The following GALNT10 variants were observed in gnomAD, a reference collection of about 807,000 sequenced individuals.
GALNT10 encodes polypeptide N-acetylgalactosaminyltransferase 10.
A neutral mutation model predicts 75.0 loss-of-function variants in GALNT10; 41 were observed. The ratio of observed to expected loss-of-function variants is 0.55; its 90% CI spans 0.43 to 0.71. The LOEUF (loss-of-function observed/expected upper bound fraction) is 0.71. GALNT10 is among the 30% of genes least tolerant of loss of function. The probability of loss-of-function intolerance (pLI) is 0.00; values close to 1 mark genes in which losing one functional copy is unlikely to be tolerated. For missense variants in GALNT10, 727 were observed against 818.5 expected (o/e 0.89, Z 1.36); for synonymous variants, 302 against 313.0 (o/e 0.96, Z 0.37).
Position 154,416,928 on chromosome 5 carries a change from G to C in GALNT10, c.1768G>C (p.Glu590Gln). The part of the protein sequence containing the change: ...PSSLTQQWLF[E>Q]HTNSTVLEKF... ...CTCTCTCACCCAGCAGTGGCTGTTT[G>C]AACACACCAACTCAACAGTCTTGGA... The change falls in exon 12 of 12, where the codon GAA (glutamate) becomes CAA (glutamine). Residue 590 changes from glutamate (E) to glutamine (Q), a missense_variant. Physicochemically the swap from Glu to Gln is conservative, Grantham distance 29. Transcript: ENST00000297107. This position sits in a 1 kb window ranked among gnomAD's most constrained non-coding sequence, Gnocchi z 4.5. 2 of 1,614,114 alleles carry C rather than the reference G, an allele frequency of 1.2e-6. No individual in the cohort carries two copies. Among genetic ancestry groups the C allele is most frequent in the East Asian group, 4.5e-5 (2 of 44,888 alleles).
At chr5:154,339,437 C>T (rs1256817443) in intron 4 of GALNT10, among the ~76,000 whole-genome samples, 1 of 150,918 alleles carries the variant, frequency 6.6e-6, no homozygotes, top group Non-Finnish European at 1.5e-5. Flanking sequence ...AATCTGTAAA[C>T]CTTTTGGTGG....
intron 2 of GALNT10, among the ~76,000 whole-genome samples, chr5:154,296,525 C>A (rs1754276258): frequency 6.6e-6 from 1 of 152,198 alleles, no homozygotes; most frequent in Non-Finnish European, 1.5e-5. Context: ...ATAATAATAA[C>A]CTGCATCTGT....
intron 3 of GALNT10, among the ~76,000 whole-genome samples, chr5:154,326,673 A>G (rs1754761101): frequency 6.6e-6 from 1 of 152,244 alleles, no homozygotes; most frequent in African/African-American, 2.4e-5. Context: ...CCATTTATAT[A>G]AAATGTCCAG....
intron 4 of GALNT10, among the ~76,000 whole-genome samples, chr5:154,357,719 TG>T (rs1755317735): frequency 2.6e-5 from 4 of 152,310 alleles, no homozygotes; most frequent in African/African-American, 9.6e-5. Flanking sequence ...GGCTTCCCTA[TG>T]GCCCATTTCC....
intron 7 of GALNT10, 56 bp downstream of exon 7, chr5:154,386,486 C>T (rs1019965803): frequency 6.5e-6 from 7 of 1,076,402 alleles, no homozygotes; most frequent in African/African-American, 4.6e-5. Context: ...GTGCCTGTCC[C>T]AGTAGGTGTC....
At chr5:154,377,753 T>C (rs573663939) in intron 5 of GALNT10, among the ~76,000 whole-genome samples, 2 of 152,244 alleles carry the variant, frequency 1.3e-5, no homozygotes, top group African/African-American at 4.8e-5. Context: ...GGGTCTACGA[T>C]CTCACTGGGC....
rs1756553791 is a variant in GALNT10, at chr5:154,418,175, T to C, written c.*1203T>C. ...GACAATCTGTGAAATCCAAAGTTGG[T>C]GGTGTTGGGAAAGCAGGGGGACATG... is the stretch of plus-strand genomic sequence containing the variant. On this transcript the variant is annotated 3_prime_UTR_variant, in exon 12 of 12. Coordinates refer to ENST00000297107, the MANE Select transcript of GALNT10 (RefSeq NM_198321.4). 1 of 152,174 alleles carries C rather than the reference T, an allele frequency of 6.6e-6. No individual in the cohort carries two copies. Among genetic ancestry groups the C allele is most frequent in the South Asian group, 2.1e-4 (1 of 4,826 alleles). The allele number at this position is 152,174 out of a possible 1,614,324, so 9.4% of individuals were successfully genotyped here.
At chr5:154,365,887 C>A (rs926823781) in intron 4 of GALNT10, among the ~76,000 whole-genome samples, 1 of 152,320 alleles carries the variant, frequency 6.6e-6, no homozygotes, top group Non-Finnish European at 1.5e-5. Context: ...CCACCCAAAA[C>A]CACCTAGAGG....
At chr5:154,375,743 G>C (rs1381273601) in intron 4 of GALNT10, among the ~76,000 whole-genome samples, 1 of 152,162 alleles carries the variant, frequency 6.6e-6, no homozygotes. Context: ...AAAGGAAAGG[G>C]CCTCATTTTT....
chr5:154,325,712 GA>G (rs1754747065), intron 3 of GALNT10, among the ~76,000 whole-genome samples: 1 of 151,244 alleles, frequency 6.6e-6, no homozygotes, highest in Admixed American at 6.6e-5. Context: ...GAATAGAAAG[GA>G]ACTGCTCCAA....
intron 3 of GALNT10, among the ~76,000 whole-genome samples, chr5:154,306,142 A>G (rs1024374700): frequency 1.3e-5 from 2 of 152,218 alleles, no homozygotes; most frequent in Non-Finnish European, 2.9e-5. Context: ...CAGCAAGGAT[A>G]TAGTAGACTC....
At chr5:154,406,652 C>A (rs147161259) in intron 8 of GALNT10, among the ~76,000 whole-genome samples, 2,323 of 152,246 alleles carry the variant, frequency 0.015, 52 homozygotes, top group African/African-American at 0.053. Flanking sequence ...CAAAAATTAG[C>A]CAGGCGTGGT....
chr5:154,220,833 T>C (rs1752966165), intron 1 of GALNT10, among the ~76,000 whole-genome samples: 1 of 152,216 alleles, frequency 6.6e-6, no homozygotes, highest in Non-Finnish European at 1.5e-5. Flanking sequence ...GTGACCTGAA[T>C]GAGTCAGTCA....
chr5:154,358,270 T>C (rs75866132), intron 4 of GALNT10, among the ~76,000 whole-genome samples: 5,996 of 152,046 alleles, frequency 0.039, 399 homozygotes, highest in African/African-American at 0.14. Flanking sequence ...TAAATGCAAA[T>C]TGGGAAAGTG....
chr5:154,266,723 T>A (rs535367485), intron 1 of GALNT10, among the ~76,000 whole-genome samples: 1 of 151,748 alleles, frequency 6.6e-6, no homozygotes, highest in African/African-American at 2.4e-5. Flanking sequence ...AAAATAAAAA[T>A]AAAAAAATAT....
chr5:154,251,569 C>T (rs1753524285), intron 1 of GALNT10, among the ~76,000 whole-genome samples: 1 of 152,184 alleles, frequency 6.6e-6, no homozygotes, highest in East Asian at 1.9e-4. Flanking sequence ...CATGTTTCTA[C>T]ACCAGGAGGC....
intron 1 of GALNT10, among the ~76,000 whole-genome samples, chr5:154,230,828 G>A (rs1388470823): frequency 6.6e-6 from 1 of 152,214 alleles, no homozygotes; most frequent in Non-Finnish European, 1.5e-5. Flanking sequence ...ACCTAATCCA[G>A]GTCACAGTTC....
At chr5:154,222,252 T>C (rs1459576484) in intron 1 of GALNT10, among the ~76,000 whole-genome samples, 1 of 149,916 alleles carries the variant, frequency 6.7e-6, no homozygotes, top group African/African-American at 2.4e-5. Context: ...TTTTTTTTAC[T>C]CAGCATGATG....
intron 10 of GALNT10, 21 bp from the exon 11 acceptor site, chr5:154,415,762 T>C (rs750619722): frequency 6.3e-7 from 1 of 1,599,770 alleles, no homozygotes; most frequent in South Asian, 1.1e-5. Flanking sequence ...CTATCCCTAT[T>C]TATGATGCCC....
Sources: gnomAD v4.1 joint callset for allele counts (sites outside exome capture counted in the v4.1 genomes callset) on GRCh38, gnomAD v4.1.1 for gene constraint, Gnocchi (gnomAD v3.1) non-coding constraint, MANE v1.5 for transcripts, NCBI Gene and HGNC (gene_info 2026-07-23, HGNC 2026-07-21) for gene names.